Variants in MYH11 observed in about 807,000 individuals in gnomAD.
MYH11 encodes myosin heavy chain 11, also known as myosin-11.
Under a neutral mutation model 246.6 loss-of-function variants are expected in MYH11, and 80 were observed. The observed-to-expected ratio is 0.32, with a 90% CI of 0.27 to 0.39. The LOEUF is 0.39. Ranked by LOEUF, MYH11 falls within the 10% of genes least tolerant of loss-of-function variation. MYH11 has a pLI of 1.00. For synonymous variants in MYH11, 1,071 were observed against 1,015.5 expected, an observed-to-expected ratio of 1.05 and a Z score of -1.04; for missense variants, 2,158 against 2,546.8, an observed-to-expected ratio of 0.85 and a Z score of 3.29.
intron 3 of MYH11, among the ~76,000 whole-genome samples, chr16:15,819,712 T>C (rs2043353660): frequency 6.6e-6 from 1 of 152,158 alleles, no homozygotes; most frequent in Non-Finnish European, 1.5e-5. Flanking sequence ...AGAAATAAAG[T>C]GCACAATAAA....
At chr16:15,845,485 C>G (rs1011010537) in intron 1 of MYH11, among the ~76,000 whole-genome samples, 5 of 152,148 alleles carry the variant, frequency 3.3e-5, no homozygotes, top group Non-Finnish European at 7.3e-5. Flanking sequence ...CCACTTCGCT[C>G]ATTCCTAACC....
intron 40 of MYH11, chr16:15,714,687 AG>A (rs1441694436): frequency 3.2e-6 from 2 of 621,684 alleles, no homozygotes; most frequent in African/African-American, 3.7e-5. Context: ...CGATCGTTAA[AG>A]GATCTAGAAG....
intron 38 of MYH11, among the ~76,000 whole-genome samples, chr16:15,716,348 C>T (rs2040135871): frequency 6.6e-6 from 1 of 152,082 alleles, no homozygotes. Context: ...GGGTGCATTG[C>T]AGGGCGTGCG....
chr16:15,829,859 G>A (rs918834325), intron 2 of MYH11, among the ~76,000 whole-genome samples: 4 of 152,182 alleles, frequency 2.6e-5, no homozygotes, highest in African/African-American at 4.8e-5. Context: ...GGATGGCCGG[G>A]CGCAGTGGCT....
At chr16:15,785,640 C>T (rs2042451174) in intron 5 of MYH11, 1 of 152,028 alleles carries the variant, frequency 6.6e-6, no homozygotes, top group Non-Finnish European at 1.5e-5. Context: ...CACCCCATGC[C>T]GTGGTCAGAT....
At chr16:15,810,550 C>T (rs567512841) in intron 3 of MYH11, among the ~76,000 whole-genome samples, 3 of 152,264 alleles carry the variant, frequency 2.0e-5, no homozygotes, top group East Asian at 1.9e-4. Flanking sequence ...CATTCCCAAC[C>T]GGGCCAGACA....
chr16:15,847,242 ACTT>A (rs1260318107), intron 1 of MYH11, among the ~76,000 whole-genome samples: 6 of 129,016 alleles, frequency 4.7e-5, no homozygotes, highest in African/African-American at 1.1e-4. Context: ...AGTAAAGTGG[ACTT>A]CTTTTTTTTT....
chr16:15,836,027 G>A (rs1225314955), intron 2 of MYH11, among the ~76,000 whole-genome samples: 1 of 152,158 alleles, frequency 6.6e-6, no homozygotes, highest in African/African-American at 2.4e-5. Context: ...TGGGATTACA[G>A]GCATGAGCCA....
At chr16:15,730,796 A>G (rs2040937767) in intron 27 of MYH11, among the ~76,000 whole-genome samples, 2 of 152,300 alleles carry the variant, frequency 1.3e-5, no homozygotes, top group African/African-American at 4.8e-5. Context: ...ACCCTGGGGA[A>G]TGAAGCACAG....
At chr16:15,831,948 AAAG>A (rs2043751472) in intron 2 of MYH11, among the ~76,000 whole-genome samples, 1 of 152,062 alleles carries the variant, frequency 6.6e-6, no homozygotes, top group Admixed American at 6.6e-5. Context: ...AAAAAAAAAA[AAAG>A]ATCAGAAGGG....
intron 4 of MYH11, among the ~76,000 whole-genome samples, chr16:15,788,796 ATATG>A (rs57646712): frequency 0.066 from 6,282 of 94,798 alleles, 164 homozygotes; most frequent in Middle Eastern, 0.13. Flanking sequence ...AGACCAGAAT[ATATG>A]TGTGTGTGTG....
intron 6 of MYH11, among the ~76,000 whole-genome samples, chr16:15,780,164 T>C (rs977458718): frequency 2.3e-4 from 35 of 152,174 alleles, no homozygotes; most frequent in Non-Finnish European, 5.9e-5. Context: ...GCTAGAAACA[T>C]TGCACAGAAT....
rs1353524700 is a variant in MYH11, at chr16:15,782,640, T to TTTCA, written c.634-167_634-164dup. The stretch of plus-strand genomic sequence containing the variant: ...GCTAATGTTCAGATTTACAGGAGGA[T>TTTCA]TTCAGAAGAGAAGCAACTGTCTGAG... On this transcript the variant is annotated intron_variant, in intron 5 of 40. Coordinates refer to ENST00000300036, the MANE Select transcript of MYH11 (RefSeq NM_002474.3). The TTTCA allele has an allele frequency of 7.8e-6, 5 of 640,846 alleles. No homozygotes were observed. The East Asian group carries it at 1.4e-4, about 18-fold the overall frequency. The allele number at this position is 640,846 out of a possible 1,614,324, so 39.7% of individuals were successfully genotyped here.
At chr16:15,851,935 C>T (rs1373362317) in intron 1 of MYH11, among the ~76,000 whole-genome samples, 1 of 152,126 alleles carries the variant, frequency 6.6e-6, no homozygotes, top group Non-Finnish European at 1.5e-5. Context: ...TTCTGGCATA[C>T]CACAGCTTAA....
chr16:15,704,714 C>T (rs984025203), intron 40 of MYH11, among the ~76,000 whole-genome samples: 4 of 152,202 alleles, frequency 2.6e-5, no homozygotes, highest in Non-Finnish European at 5.9e-5. Flanking sequence ...TGTGAATGTT[C>T]ATGGACTGAG....
At chr16:15,844,596 T>G (rs1020746878) in intron 1 of MYH11, among the ~76,000 whole-genome samples, 4 of 152,114 alleles carry the variant, frequency 2.6e-5, no homozygotes, top group Non-Finnish European at 5.9e-5. Flanking sequence ...GTAGCCCACA[T>G]GTATAATCCC....
In MYH11 at chr16:15,737,619, C is replaced by G. The variant is rs759783110; in HGVS notation, c.3123G>C (p.Val1041=). The G allele has an allele frequency of 6.2e-7, 1 of 1,612,058 alleles. No homozygotes were observed. The highest frequency in any genetic ancestry group is 1.7e-5 in the Admixed American group (1 of 60,014). ...KHESMISELE[V]RLKKEEKSRQ... ...GGCTCTTCTCTTCCTTCTTTAGCCG[C>G]ACTGCAAAAACCAAGGTGCTCTTCA... The change falls in exon 25 of 41, where the codon GTG becomes GTC. Residue 1041 remains valine, a splice_region_variant and synonymous_variant. Coordinates refer to ENST00000300036, the MANE Select transcript of MYH11 (RefSeq NM_002474.3).
Position 15,714,918 on chromosome 16 carries a change from C to G in MYH11, c.5777G>C (p.Ser1926Thr). ...GCCACGGGCTCCTCACCTGAGCTTG[C>G]TCTTGAGTGCGTTCACCTCGCGGCC... The part of the protein sequence containing the change: ...AMGREVNALK[S>T]KLRRGNETSF... The change falls in exon 40 of 41, where the codon AGC (serine) becomes ACC (threonine). Residue 1926 changes from serine to threonine, a missense_variant. Around this residue, in one of 11 missense-constraint regions of MYH11, gnomAD observed 1,013 missense variants for 993.5 expected, o/e 1.02. Transcript: ENST00000300036. 2 of 1,613,944 alleles carry G rather than the reference C, an allele frequency of 1.2e-6. No homozygotes were observed. The highest frequency in any genetic ancestry group is 2.2e-5 in the South Asian group (2 of 91,080).
chr16:15,708,868 G>T (rs1462128665), intron 40 of MYH11: 2 of 1,606,520 alleles, frequency 1.2e-6, no homozygotes, highest in East Asian at 2.2e-5. Context: ...ATCCCCGGAG[G>T]TTACCATCAG....
Sources: allele counts gnomAD v4.1 joint callset (sites outside exome capture counted in the v4.1 genomes callset), GRCh38; gene constraint gnomAD v4.1.1; regional missense constraint gnomAD v4.1.1; transcripts MANE v1.5; gene names NCBI Gene and HGNC (gene_info 2026-07-23, HGNC 2026-07-21).